The following ETV6 variants were observed in gnomAD, a reference collection of about 807,000 sequenced individuals.
ETV6 encodes ETS variant transcription factor 6, also known as transcription factor ETV6.
In ETV6, 16 loss-of-function variants were observed where a neutral mutation model predicts 51.1. The observed-to-expected ratio is 0.31, with a 90% confidence interval of 0.21 to 0.48. The LOEUF (loss-of-function observed/expected upper bound fraction) is 0.48. Ranked by LOEUF, ETV6 falls within the 20% of genes least tolerant of loss-of-function variation. The pLI is 0.99. For synonymous variants in ETV6, 240 were observed against 224.1 expected (o/e 1.07, Z -0.64); for missense variants, 458 against 594.8 (o/e 0.77, Z 2.39).
intron 1 of ETV6, among the ~76,000 whole-genome samples, chr12:11,668,295 T>A (rs1446408784): frequency 7.1e-6 from 1 of 140,916 alleles, no homozygotes; most frequent in East Asian, 2.0e-4. Flanking sequence ...CCTGTGTAGA[T>A]GTGTGGGAGG....
chr12:11,725,342 G>A (rs1045864547), intron 1 of ETV6, among the ~76,000 whole-genome samples: 5 of 152,014 alleles, frequency 3.3e-5, no homozygotes, highest in African/African-American at 1.2e-4. Flanking sequence ...GCAGCCCCGA[G>A]CTTTTCCTTG....
At chr12:11,706,612 G>A (rs937589197) in intron 1 of ETV6, among the ~76,000 whole-genome samples, 1 of 152,214 alleles carries the variant, frequency 6.6e-6, no homozygotes, top group Non-Finnish European at 1.5e-5. Flanking sequence ...GGTGCTAGGA[G>A]ATAGTAGGGC....
intron 2 of ETV6, among the ~76,000 whole-genome samples, chr12:11,808,008 C>T (rs536457076): frequency 1.5e-4 from 23 of 152,284 alleles, no homozygotes; most frequent in African/African-American, 5.5e-4. Context: ...ATCAGCAATA[C>T]ATCCACCCAT....
At chr12:11,759,810 T>C (rs1012197133) in intron 2 of ETV6, among the ~76,000 whole-genome samples, 1 of 152,170 alleles carries the variant, frequency 6.6e-6, no homozygotes, top group Non-Finnish European at 1.5e-5. Context: ...ACTTCTCACC[T>C]CCTCTGATTA....
At chr12:11,807,269 A>C (rs1945841926) in intron 2 of ETV6, among the ~76,000 whole-genome samples, 1 of 152,216 alleles carries the variant, frequency 6.6e-6, no homozygotes. Flanking sequence ...AAAGAATTTC[A>C]AAGAGAATAA....
chr12:11,798,501 G>A (rs1368034953), intron 2 of ETV6, among the ~76,000 whole-genome samples: 3 of 152,130 alleles, frequency 2.0e-5, no homozygotes, highest in Non-Finnish European at 4.4e-5. Context: ...ACTAGCTTGC[G>A]AGCCACGTGG....
At chr12:11,741,923 A>T (rs891497474) in intron 1 of ETV6, among the ~76,000 whole-genome samples, 2 of 152,248 alleles carry the variant, frequency 1.3e-5, no homozygotes, top group Non-Finnish European at 2.9e-5. Flanking sequence ...CCTGGCTCCC[A>T]TCCCTGGAGA....
At chr12:11,875,627 A>G (rs1244097711) in intron 5 of ETV6, among the ~76,000 whole-genome samples, 1 of 150,752 alleles carries the variant, frequency 6.6e-6, no homozygotes, top group South Asian at 2.1e-4. Flanking sequence ...CTTGATTTCA[A>G]AGGTAGAAGG....
At chr12:11,816,092 G>T (rs989806712) in intron 2 of ETV6, among the ~76,000 whole-genome samples, 1 of 152,182 alleles carries the variant, frequency 6.6e-6, no homozygotes, top group Non-Finnish European at 1.5e-5. Context: ...TGGCACATGC[G>T]AAGGCCAGAG....
At chr12:11,775,435 C>T (rs548957348) in intron 2 of ETV6, among the ~76,000 whole-genome samples, 22 of 152,344 alleles carry the variant, frequency 1.4e-4, no homozygotes, top group South Asian at 6.2e-4. Context: ...AATACAGACA[C>T]TGCTGTCTTT....
At chr12:11,767,717 G>C (rs1334708460) in intron 2 of ETV6, among the ~76,000 whole-genome samples, 8 of 152,202 alleles carry the variant, frequency 5.3e-5, no homozygotes, top group Admixed American at 5.2e-4. Flanking sequence ...AGAGGTTTTT[G>C]CCTTTAGCAG....
At position 11,710,954 on chromosome 12, in the gene ETV6, A is replaced by G. The variant is rs375700632; in HGVS notation, c.34-41496A>G. On this transcript the variant is annotated intron_variant, in intron 1 of 7. Coordinates refer to ENST00000396373, the MANE Select transcript of ETV6 (RefSeq NM_001987.5). ...GCTGCAGGATAGCCCATTGAGACTA[A>G]GTGGAGACCAGGCATCAGGTGAGGA... Among the ~76,000 whole-genome samples, 6 of 152,310 alleles carry G rather than the reference A, an allele frequency of 3.9e-5. No individual in the cohort carries two copies. In the South Asian group the frequency reaches 6.2e-4, roughly 16 times the overall value.
chr12:11,679,487 C>G (rs1041858672), intron 1 of ETV6, among the ~76,000 whole-genome samples: 2 of 152,230 alleles, frequency 1.3e-5, no homozygotes, highest in African/African-American at 2.4e-5. Flanking sequence ...ATTCTCTTTT[C>G]ATCCGTTCCA....
At chr12:11,686,520 A>G (rs991681899) in intron 1 of ETV6, among the ~76,000 whole-genome samples, 1 of 152,192 alleles carries the variant, frequency 6.6e-6, no homozygotes, top group Non-Finnish European at 1.5e-5. Context: ...GCATACAGCA[A>G]CTTACACTGT....
chr12:11,651,993 C>T (rs986460744), intron 1 of ETV6, among the ~76,000 whole-genome samples: 2 of 152,162 alleles, frequency 1.3e-5, no homozygotes, highest in Non-Finnish European at 2.9e-5. Context: ...GTACAACAGT[C>T]CCTTGCCTTA....
Position 11,869,304 on chromosome 12 carries a change from G to C in ETV6, c.464-120G>C, listed in dbSNP as rs1946839805. ...CAGTGAAAAAGACACTGCATTCTGG[G>C]GAGAAAGGTCCTTTACACATACCTA... On this transcript the variant is annotated intron_variant, in intron 4 of 7. Transcript: ENST00000396373. This position sits in a 1 kb window ranked among gnomAD's most constrained non-coding sequence, Gnocchi z 5.0. 1 of 835,262 alleles carries C rather than the reference G, an allele frequency of 1.2e-6. No individual in the cohort carries two copies. The highest frequency in any genetic ancestry group is 2.5e-5 in the Admixed American group (1 of 40,280). The allele number at this position is 835,262 out of a possible 1,614,324, so 51.7% of individuals were successfully genotyped here. A position where few individuals can be genotyped will look rare whatever the true frequency, so the allele number is the denominator to read the frequency against.
At chr12:11,829,275 A>G (rs1275534607) in intron 2 of ETV6, among the ~76,000 whole-genome samples, 2 of 152,110 alleles carry the variant, frequency 1.3e-5, no homozygotes, top group Non-Finnish European at 1.5e-5. Context: ...CAACCCCCCA[A>G]AATGCATTGA....
chr12:11,731,536 GAA>G (rs1053521556), intron 1 of ETV6, among the ~76,000 whole-genome samples: 1 of 152,040 alleles, frequency 6.6e-6, no homozygotes, highest in Non-Finnish European at 1.5e-5. Flanking sequence ...GAAGAGAAGA[GAA>G]AGAATAATTT....
chr12:11,665,008 C>T (rs1186384906), intron 1 of ETV6, among the ~76,000 whole-genome samples: 2 of 152,164 alleles, frequency 1.3e-5, no homozygotes. Context: ...CATTATGTTC[C>T]AACCACATAA....
Sources: allele counts gnomAD v4.1 joint callset (sites outside exome capture counted in the v4.1 genomes callset), GRCh38; gene constraint gnomAD v4.1.1; non-coding constraint Gnocchi (gnomAD v3.1); transcripts MANE v1.5; gene names NCBI Gene and HGNC (gene_info 2026-07-23, HGNC 2026-07-21).